Variants in FGF12 observed in about 807,000 individuals in gnomAD.
FGF12 encodes fibroblast growth factor 12.
A neutral mutation model predicts 23.6 loss-of-function variants in FGF12; 14 were observed. The observed-to-expected ratio is 0.59, with a 90% confidence interval of 0.39 to 0.93. FGF12 has a LOEUF of 0.93. Among genes scored for constraint, FGF12 ranks in the 40% least tolerant of loss-of-function variants. The probability of loss-of-function intolerance (pLI) is 0.00; values close to 1 mark genes in which losing one functional copy is unlikely to be tolerated. For synonymous variants in FGF12, 62 were observed against 77.3 expected (o/e 0.80, Z 1.04); for missense variants, 175 against 217.8 (o/e 0.80, Z 1.24).
At chr3:192,561,279 A>G (rs1402806887) in intron 2 of FGF12, among the ~76,000 whole-genome samples, 1 of 152,250 alleles carries the variant, frequency 6.6e-6, no homozygotes, top group Non-Finnish European at 1.5e-5. Context: ...CAGAGGACAT[A>G]CAAATGACCA....
At chr3:192,466,466 G>T (rs958041505) in intron 2 of FGF12, among the ~76,000 whole-genome samples, 1 of 152,016 alleles carries the variant, frequency 6.6e-6, no homozygotes, top group African/African-American at 2.4e-5. Flanking sequence ...AGCACAACAG[G>T]TATATACCTC....
intron 5 of FGF12, among the ~76,000 whole-genome samples, chr3:192,158,386 T>TCTTTCTTTCTTTCTTTCTTTCTTTC (rs1560171557): frequency 1.1e-5 from 1 of 87,240 alleles, no homozygotes; most frequent in African/African-American, 7.8e-5. Flanking sequence ...TTCTTTCTTT[T>TCTTTCTTTCTTTCTTTCTTTCTTTC]CTTTCTCTCT....
At chr3:192,572,660 A>G (rs1712694449) in intron 2 of FGF12, among the ~76,000 whole-genome samples, 1 of 152,218 alleles carries the variant, frequency 6.6e-6, no homozygotes, top group African/African-American at 2.4e-5. Flanking sequence ...GGCCAAATAC[A>G]CAGTAACAAT....
At position 192,144,078 on chromosome 3, in the gene FGF12, C is replaced by A; in HGVS notation, c.477G>T (p.Gly159=). Residue 159 remains glycine (G), a synonymous_variant, in exon 6 of 6, where the codon GGG becomes GGT. Transcript: ENST00000445105. The part of the protein sequence containing the change: ...PSLHEIGEKQ[G]RSRKSSGTPT... Reference sequence around the variant, plus strand: ...GTGTTCCAGAACTTTTCCTTGAACGCCCTTGTTTTTCTCCAATTTCATGTA... The same window carrying A: ...GTGTTCCAGAACTTTTCCTTGAACGACCTTGTTTTTCTCCAATTTCATGTA... The A allele has an allele frequency of 6.2e-7, 1 of 1,613,710 alleles. No homozygotes were observed. The highest frequency in any genetic ancestry group is 1.1e-5 in the South Asian group (1 of 91,072).
At chr3:192,541,981 A>G (rs1343968416) in intron 2 of FGF12, among the ~76,000 whole-genome samples, 1 of 150,732 alleles carries the variant, frequency 6.6e-6, no homozygotes, top group Non-Finnish European at 1.5e-5. Flanking sequence ...TGGGGGCCTC[A>G]GCCTCCCAAG....
chr3:192,627,577 C>T (rs1172829156), intron 2 of FGF12, among the ~76,000 whole-genome samples: 1 of 152,092 alleles, frequency 6.6e-6, no homozygotes, highest in Non-Finnish European at 1.5e-5. Flanking sequence ...TCCTTGACAA[C>T]AACAGAAGCA....
chr3:192,312,746 C>CAAA (rs59639014), intron 4 of FGF12, among the ~76,000 whole-genome samples: 73 of 129,376 alleles, frequency 5.6e-4, no homozygotes, highest in African/African-American at 1.8e-3. Flanking sequence ...GACTCGGTCT[C>CAAA]AAAAAAAAAA....
At chr3:192,563,334 G>A (rs1712131200) in intron 2 of FGF12, among the ~76,000 whole-genome samples, 1 of 152,092 alleles carries the variant, frequency 6.6e-6, no homozygotes, top group Non-Finnish European at 1.5e-5. Flanking sequence ...ATGGTTCTGG[G>A]TGCAGATGGT....
At chr3:192,171,433 C>T (rs1359653763) in intron 4 of FGF12, among the ~76,000 whole-genome samples, 1 of 152,184 alleles carries the variant, frequency 6.6e-6, no homozygotes, top group Non-Finnish European at 1.5e-5. Flanking sequence ...ACTACTGAGT[C>T]AATGCCAGAG....
chr3:192,343,412 G>C (rs974795156), intron 3 of FGF12, among the ~76,000 whole-genome samples: 20 of 151,944 alleles, frequency 1.3e-4, no homozygotes, highest in African/African-American at 4.8e-4. Context: ...TTAGTACCAG[G>C]TTATTTTCTC....
intron 4 of FGF12, among the ~76,000 whole-genome samples, chr3:192,187,488 C>T (rs1716537108): frequency 6.6e-6 from 1 of 152,280 alleles, no homozygotes; most frequent in South Asian, 2.1e-4. Flanking sequence ...ACGATAGACA[C>T]TAAAATAATT....
At chr3:192,430,151 A>T (rs148901030) in intron 2 of FGF12, among the ~76,000 whole-genome samples, 115 of 152,280 alleles carry the variant, frequency 7.6e-4, no homozygotes, top group African/African-American at 2.7e-3. Context: ...AAATCAATAA[A>T]CCAAATGTGG....
chr3:192,709,557 G>C (rs1337467162), intron 2 of FGF12, among the ~76,000 whole-genome samples: 1 of 152,196 alleles, frequency 6.6e-6, no homozygotes, highest in African/African-American at 2.4e-5. Flanking sequence ...CTAAGTTTCA[G>C]TCTTGACTTC....
At chr3:192,318,744 C>T (rs1447203640) in intron 4 of FGF12, among the ~76,000 whole-genome samples, 1 of 151,870 alleles carries the variant, frequency 6.6e-6, no homozygotes, top group Non-Finnish European at 1.5e-5. Context: ...AGGTTATAAA[C>T]ATCAAGCAGA....
At chr3:192,328,595 T>C (rs1402979521) in intron 4 of FGF12, among the ~76,000 whole-genome samples, 1 of 152,218 alleles carries the variant, frequency 6.6e-6, no homozygotes, top group Non-Finnish European at 1.5e-5. Context: ...AGATAAACTG[T>C]AACCGTGAGT....
chr3:192,615,658 T>C (rs1401390793), intron 2 of FGF12, among the ~76,000 whole-genome samples: 1 of 152,050 alleles, frequency 6.6e-6, no homozygotes, highest in African/African-American at 2.4e-5. Context: ...GTGCTCAAAA[T>C]ATATATACAA....
chr3:192,426,594 G>A (rs1234843686), intron 2 of FGF12, among the ~76,000 whole-genome samples: 6 of 152,170 alleles, frequency 3.9e-5, no homozygotes, highest in Non-Finnish European at 5.9e-5. Context: ...TGGCAATCCA[G>A]TATGTATAAT....
intron 4 of FGF12, among the ~76,000 whole-genome samples, chr3:192,186,793 C>A (rs755378573): frequency 7.9e-5 from 12 of 152,136 alleles, no homozygotes; most frequent in Non-Finnish European, 1.2e-4. Context: ...CTTTTATCTG[C>A]CTAAACTTCA....
At chr3:192,681,097 C>T (rs936880737) in intron 2 of FGF12, among the ~76,000 whole-genome samples, 1 of 152,132 alleles carries the variant, frequency 6.6e-6, no homozygotes, top group African/African-American at 2.4e-5. Flanking sequence ...TATAAGCCAC[C>T]TGGCTCAATA....
Sources: allele counts gnomAD v4.1 joint callset (sites outside exome capture counted in the v4.1 genomes callset), GRCh38; gene constraint gnomAD v4.1.1; transcripts MANE v1.5; gene names NCBI Gene and HGNC (gene_info 2026-07-23, HGNC 2026-07-21).